Variants in NCOR2 observed in about 807,000 individuals in gnomAD.
NCOR2 encodes nuclear receptor corepressor 2, also known as CTG repeat protein 26.
In NCOR2, 81 loss-of-function variants were observed where a neutral mutation model predicts 262.9. The observed-to-expected ratio is 0.31, with a 90% CI of 0.26 to 0.37. NCOR2 has a LOEUF of 0.37. Ranked by LOEUF, NCOR2 falls within the 10% of genes least tolerant of loss-of-function variation. The pLI, the probability that NCOR2 is intolerant of heterozygous loss-of-function variation, is 1.00. For synonymous variants in NCOR2, 1,659 were observed against 1,559.3 expected (o/e 1.06, Z -1.51); for missense variants, 3,385 against 3,621.4 (o/e 0.93, Z 1.68).
At chr12:124,430,716 G>A (rs1305208051) in exon 9 of NCOR2, 2 of 1,614,070 alleles carry the variant, frequency 1.2e-6, no homozygotes, top group Non-Finnish European at 1.7e-6. Flanking sequence ...GCCGGGGGTT[G>A]TTCTCGATGC....
Position 124,389,062 on chromosome 12 carries a change from C to A in NCOR2, c.1877-3175G>T, listed in dbSNP as rs780436559. 6.6e-6 allele frequency among the ~76,000 whole-genome samples: 1 copy of A among 152,236 alleles called. No homozygotes were observed. Among genetic ancestry groups the A allele is most frequent in the African/African-American group, 2.4e-5 (1 of 41,464 alleles). Reference sequence around the variant, plus strand: ...TGTGGGCGCGCGAGGTGCCCTTCCCCGAGGGTGGTGGGTGGCGGGAAGTTG... The same window carrying A: ...TGTGGGCGCGCGAGGTGCCCTTCCCAGAGGGTGGTGGGTGGCGGGAAGTTG... On this transcript the variant is annotated intron_variant, in intron 16 of 46. Transcript: ENST00000405201. The surrounding 1 kb of genome is among the most constrained non-coding windows in gnomAD (Gnocchi z 4.4).
Position 124,504,953 on chromosome 12 carries a change from G to C in NCOR2, c.-117-9585C>G, listed in dbSNP as rs1305204107. ...GAAACTGTTTTGGAATTAGACAGAG[G>C]TGGTGGTTGCACAACCCGTGAATGT... On this transcript the variant is annotated intron_variant, in intron 1 of 46. Transcript: ENST00000404621. This position sits in a 1 kb window ranked among gnomAD's most constrained non-coding sequence, Gnocchi z 4.5. 6.6e-6 allele frequency among the ~76,000 whole-genome samples: 1 copy of C among 152,228 alleles called. No individual in the cohort carries two copies. Among genetic ancestry groups the C allele is most frequent in the Non-Finnish European group, 1.5e-5 (1 of 68,042 alleles).
intron 1 of NCOR2, among the ~76,000 whole-genome samples, chr12:124,543,056 G>C (rs1030612060): frequency 6.6e-6 from 1 of 152,152 alleles, no homozygotes; most frequent in Non-Finnish European, 1.5e-5. Context: ...GGGCGAAGAT[G>C]GGGGTCACAG....
chr12:124,333,183 G>A (rs1373807903), exon 42 of NCOR2: 4 of 1,613,018 alleles, frequency 2.5e-6, no homozygotes, highest in Middle Eastern at 1.7e-4. Flanking sequence ...CAGCACTCCG[G>A]GAGTGCCCTG....
At chr12:124,445,085 C>T (rs1204088228) in intron 7 of NCOR2, among the ~76,000 whole-genome samples, 3 of 152,138 alleles carry the variant, frequency 2.0e-5, no homozygotes, top group Non-Finnish European at 4.4e-5. Flanking sequence ...AATCAGGCTG[C>T]GAAAAGAGAA....
At chr12:124,495,305 A>G (rs75634720), upstream of NCOR2, 105,427 of 1,562,326 alleles carry the variant, frequency 0.067, 4,105 homozygotes, top group East Asian at 0.16. The surrounding 1 kb of genome is among the most constrained non-coding windows in gnomAD (Gnocchi z 4.4). Flanking sequence ...CTTTCTCTTA[A>G]TCACCACCAA....
chr12:124,513,472 G>A (rs539509841), intron 1 of NCOR2: 2 of 152,320 alleles, frequency 1.3e-5, no homozygotes, highest in South Asian at 2.1e-4. Context: ...CGGAAGATAG[G>A]GATAGTAGAG....
At chr12:124,445,445 C>T (rs965876839) in intron 7 of NCOR2, among the ~76,000 whole-genome samples, 1 of 152,220 alleles carries the variant, frequency 6.6e-6, no homozygotes, top group Admixed American at 6.5e-5. Flanking sequence ...GCGACTCCAA[C>T]GCGTCCGAAA....
In NCOR2 at chr12:124,516,060, A is replaced by AC. The variant is rs372980318; in HGVS notation, c.-118+19504dup. Among the ~76,000 whole-genome samples, 97 of 150,714 alleles carry AC rather than the reference A, an allele frequency of 6.4e-4. 1 individual carries two copies. Among genetic ancestry groups the AC allele is most frequent in the Middle Eastern group, 6.8e-3 (2 of 292 alleles). ...GGGTGACAAGGGGACATGGATGAGA[A>AC]CCCCCCCGCCTTCGGAGGCCATTCT... On this transcript the variant is annotated intron_variant, in intron 1 of 46. Coordinates refer to the NCOR2 transcript ENST00000404621.
intron 45 of NCOR2, 94 bp downstream of exon 47, chr12:124,327,315 C>T (rs1224050900): frequency 3.5e-5 from 35 of 1,005,266 alleles, no homozygotes; most frequent in African/African-American, 5.5e-5. Context: ...CTCCAAAGCT[C>T]GAGGAGGGGG....
intron 7 of NCOR2, among the ~76,000 whole-genome samples, chr12:124,438,770 C>CAGAGAG (rs200291120): frequency 4.3e-5 from 2 of 46,656 alleles, no homozygotes; most frequent in African/African-American, 6.5e-5. Context: ...GACAGAGACC[C>CAGAGAG]AGAGAGACAG....
rs973434126 is a variant in NCOR2, at chr12:124,481,937, G to A, written c.411+1659C>T. On this transcript the variant is annotated intron_variant, in intron 3 of 46. Coordinates refer to ENST00000405201, the Ensembl canonical transcript of NCOR2. This position sits in a 1 kb window ranked among gnomAD's most constrained non-coding sequence, Gnocchi z 4.6. Reference sequence around the variant, plus strand: ...TGGAGAGCAATGACGAGCTCAGGCCGGGGGTTGCCTCAGGTGTGGGCAGAA... The same window carrying A: ...TGGAGAGCAATGACGAGCTCAGGCCAGGGGTTGCCTCAGGTGTGGGCAGAA... 6.6e-5 allele frequency among the ~76,000 whole-genome samples: 10 copies of A among 152,120 alleles called. No homozygotes were observed. The highest frequency in any genetic ancestry group is 2.2e-4 in the African/African-American group (9 of 41,406).
chr12:124,339,893 G>GGCCACCCC, intron 37 of NCOR2, 113 bp downstream of exon 39: 2 of 566,002 alleles, frequency 3.5e-6, no homozygotes, highest in South Asian at 2.0e-5. Context: ...CCACACATCT[G>GGCCACCCC]CCCACCCACC....
At chr12:124,331,988 A>G (rs750520861) in intron 43 of NCOR2, 1 of 325,068 alleles carries the variant, frequency 3.1e-6, no homozygotes, top group Non-Finnish European at 5.9e-6. Flanking sequence ...AAAGCCACAC[A>G]GGTGCTGAGT....
In NCOR2 at chr12:124,495,227, C is replaced by G. The variant is rs2048321495; in HGVS notation, c.25G>C (p.Ala9Pro). ...GGCTCAGTGGCCCTCCACGTCTGTG[C>G]CACAGGCTGTGTGGATCCCGACATG... Residue 9 changes from alanine (A) to proline (P), a missense_variant, in exon 1 of 47, where the codon GCA becomes CCA. Ala to Pro is a conservative substitution (Grantham distance 27, BLOSUM62 -1). This residue lies in a region of NCOR2 where 237 missense variants were observed against 229.4 expected (regional missense o/e 1.03). Transcript: ENST00000405201. This position sits in a 1 kb window ranked among gnomAD's most constrained non-coding sequence, Gnocchi z 4.4. 1 of 1,613,688 alleles carries G rather than the reference C, an allele frequency of 6.2e-7. No homozygotes were observed. Among genetic ancestry groups the G allele is most frequent in the East Asian group, 2.2e-5 (1 of 44,878 alleles).
chr12:124,520,489 G>A (rs2050121610), intron 1 of NCOR2, among the ~76,000 whole-genome samples: 1 of 152,100 alleles, frequency 6.6e-6, no homozygotes, highest in African/African-American at 2.4e-5. Flanking sequence ...GGAATCCACG[G>A]TAACTCCTCC....
At chr12:124,526,553 G>A (rs930322297) in intron 1 of NCOR2, among the ~76,000 whole-genome samples, 1 of 152,136 alleles carries the variant, frequency 6.6e-6, no homozygotes, top group Admixed American at 6.5e-5. Flanking sequence ...AGCGAACGAG[G>A]ACAAGACTGC....
chr12:124,544,098 G>A (rs78356233), intron 1 of NCOR2, among the ~76,000 whole-genome samples: 2,889 of 152,208 alleles, frequency 0.019, 75 homozygotes, highest in African/African-American at 0.065. Context: ...CCCCCTGCCC[G>A]GGGAGCCCCA....
At chr12:124,331,736 T>G (rs2035219504) in intron 43 of NCOR2, 3 of 158,486 alleles carry the variant, frequency 1.9e-5, no homozygotes, top group Admixed American at 5.9e-5. Context: ...TGAGCCACCG[T>G]GCCCGGCAAG....
Sources: gnomAD v4.1 joint callset for allele counts (sites outside exome capture counted in the v4.1 genomes callset) on GRCh38, gnomAD v4.1.1 for gene constraint, gnomAD v4.1.1 regional missense constraint, Gnocchi (gnomAD v3.1) non-coding constraint, MANE v1.5 for transcripts, NCBI Gene and HGNC (gene_info 2026-07-23, HGNC 2026-07-21) for gene names.